The following VPS45 variants were observed in gnomAD, a reference collection of about 807,000 sequenced individuals.
VPS45 encodes vacuolar protein sorting-associated protein 45.
In VPS45, 35 loss-of-function variants were observed where a neutral mutation model predicts 75.9. That is an observed-to-expected ratio of 0.46 (90% CI 0.35 to 0.61). The LOEUF is 0.61. Ranked by LOEUF, VPS45 falls within the 20% of genes least tolerant of loss-of-function variation. The pLI is 0.00. For missense variants in VPS45, 559 were observed against 685.9 expected (o/e 0.81, Z 2.07); for synonymous variants, 220 against 238.2 (o/e 0.92, Z 0.70).
At chr1:150,142,109 G>A (rs587677293) in intron 14 of VPS45, among the ~76,000 whole-genome samples, 10 of 152,024 alleles carry the variant, frequency 6.6e-5, no homozygotes, top group African/African-American at 2.4e-4. Flanking sequence ...AGTCATAGTG[G>A]CCCTAGGAAA....
chr1:150,126,982 CCCAGAACCA>C (rs1559940263), intron 14 of VPS45, among the ~76,000 whole-genome samples: 1 of 152,006 alleles, frequency 6.6e-6, no homozygotes, highest in Non-Finnish European at 1.5e-5. Flanking sequence ...AATGCCATGC[CCCAGAACCA>C]CCTGATGTCA....
chr1:150,145,285 G>T lies in VPS45; in HGVS notation c.*489G>T, dbSNP rs1659615886. 5.7e-6 allele frequency: 1 copy of T among 174,514 alleles called. No individual in the cohort carries two copies. Among genetic ancestry groups the T allele is most frequent in the Non-Finnish European group, 1.2e-5 (1 of 82,164 alleles). The allele number at this position is 174,514 out of a possible 1,614,324, so 10.8% of individuals were successfully genotyped here. ...ACATAGCAATTTTCTGTGGCACTGA[G>T]AAACCATGTATGACCACAATAAAAA... is the stretch of plus-strand genomic sequence containing the variant. On this transcript the variant is annotated 3_prime_UTR_variant, in exon 15 of 15. Transcript: ENST00000644510.
intron 10 of VPS45, among the ~76,000 whole-genome samples, chr1:150,090,451 C>T (rs1318426828): frequency 6.6e-6 from 1 of 152,074 alleles, no homozygotes; most frequent in African/African-American, 2.4e-5. Context: ...CCTGAAAAAC[C>T]TCATATTCTA....
chr1:150,127,839 A>C (rs1553811110), intron 14 of VPS45, among the ~76,000 whole-genome samples: 1 of 152,238 alleles, frequency 6.6e-6, no homozygotes, highest in African/African-American at 2.4e-5. Context: ...ATATGTTTTT[A>C]TCAAATGGAT....
chr1:150,126,825 GCAT>G (rs1559940128), intron 14 of VPS45, among the ~76,000 whole-genome samples: 1 of 152,162 alleles, frequency 6.6e-6, no homozygotes, highest in East Asian at 1.9e-4. Context: ...AATTAGCCAG[GCAT>G]CATGGTACGC....
chr1:150,106,417 T>A (rs1461244315), intron 13 of VPS45, among the ~76,000 whole-genome samples: 2 of 152,082 alleles, frequency 1.3e-5, no homozygotes, highest in Non-Finnish European at 2.9e-5. Flanking sequence ...GCAAACGACA[T>A]GAAAAGACAT....
At chr1:150,143,938 A>G (rs1553815986) in intron 14 of VPS45, among the ~76,000 whole-genome samples, 1 of 152,196 alleles carries the variant, frequency 6.6e-6, no homozygotes. Flanking sequence ...GCATATATGC[A>G]TATATACACA....
intron 13 of VPS45, among the ~76,000 whole-genome samples, chr1:150,101,923 A>G (rs1657040429): frequency 6.6e-6 from 1 of 151,948 alleles, no homozygotes; most frequent in African/African-American, 2.4e-5. Context: ...TACCCAGAGG[A>G]ATATAACTCA....
chr1:150,130,023 A>AATCT (rs782344850), intron 14 of VPS45, among the ~76,000 whole-genome samples: 9 of 151,564 alleles, frequency 5.9e-5, no homozygotes, highest in Non-Finnish European at 1.0e-4. Context: ...CTATCTGTCT[A>AATCT]ATCTATCTAT....
intron 14 of VPS45, among the ~76,000 whole-genome samples, chr1:150,133,092 C>G (rs1438922939): frequency 1.3e-5 from 2 of 152,120 alleles, no homozygotes; most frequent in African/African-American, 4.8e-5. Flanking sequence ...TATTATTATT[C>G]CAAGTGGAAA....
chr1:150,110,382 A>G, intron 13 of VPS45, 114 bp from the exon 14 acceptor site: 1 of 1,041,978 alleles, frequency 9.6e-7, no homozygotes, highest in South Asian at 2.1e-5. Flanking sequence ...ATTCTGCTTT[A>G]ATTCTGCTTC....
intron 7 of VPS45, among the ~76,000 whole-genome samples, chr1:150,080,821 T>A (rs1655663265): frequency 6.6e-6 from 1 of 152,120 alleles, no homozygotes; most frequent in African/African-American, 2.4e-5. Flanking sequence ...ATAAAATGGG[T>A]TCAAAGGTAA....
intron 14 of VPS45, among the ~76,000 whole-genome samples, chr1:150,127,523 A>C (rs587724909): frequency 1.3e-5 from 2 of 152,312 alleles, no homozygotes; most frequent in East Asian, 3.9e-4. Context: ...CCTGGGCTCA[A>C]ACAAACCTCC....
chr1:150,103,600 A>G (rs1367297487), intron 13 of VPS45, among the ~76,000 whole-genome samples: 3 of 152,188 alleles, frequency 2.0e-5, no homozygotes, highest in African/African-American at 7.2e-5. Context: ...CAGTAGTACA[A>G]AAATACCCTG....
intron 9 of VPS45, 142 bp from the exon 10 acceptor site, chr1:150,082,574 C>A: frequency 2.1e-6 from 2 of 949,750 alleles, no homozygotes; most frequent in Non-Finnish European, 3.1e-6. Context: ...TTAAGCATAA[C>A]AAAATGCCAT....
chr1:150,125,834 C>T (rs1658488222), intron 14 of VPS45, among the ~76,000 whole-genome samples: 1 of 151,462 alleles, frequency 6.6e-6, no homozygotes, highest in Admixed American at 6.6e-5. Flanking sequence ...ATTATAGGCG[C>T]CTGCCACCAC....
Position 150,069,350 on chromosome 1 carries a change from A to G in VPS45, c.228+586A>G, listed in dbSNP as rs587644407. On this transcript the variant is annotated intron_variant, in intron 2 of 14. Coordinates refer to ENST00000644510, the MANE Select transcript of VPS45 (RefSeq NM_007259.5). ...CTGTTCCTTGTTTTTTTTTTCTTGC[A>G]CTGATTAAAAGTTCTTTGGCCATTT... is the stretch of plus-strand genomic sequence containing the variant. Among the ~76,000 whole-genome samples, 30 of 148,958 alleles carry G rather than the reference A, an allele frequency of 2.0e-4. No homozygotes were observed. The South Asian group carries it at 4.9e-3, about 24-fold the overall frequency.
intron 14 of VPS45, among the ~76,000 whole-genome samples, chr1:150,116,927 G>T (rs1272940112): frequency 3.3e-5 from 5 of 152,106 alleles, no homozygotes; most frequent in Non-Finnish European, 7.4e-5. Flanking sequence ...AATAGGCCAG[G>T]TGCAGTGGAT....
intron 13 of VPS45, among the ~76,000 whole-genome samples, chr1:150,099,439 G>A (rs2101583410): frequency 6.6e-6 from 1 of 151,916 alleles, no homozygotes; most frequent in African/African-American, 2.4e-5. Context: ...GCTGAACCCG[G>A]GAGGCAAAGT....
Sources: allele counts gnomAD v4.1 joint callset (sites outside exome capture counted in the v4.1 genomes callset), GRCh38; gene constraint gnomAD v4.1.1; transcripts MANE v1.5; gene names NCBI Gene and HGNC (gene_info 2026-07-23, HGNC 2026-07-21).